Variants in NT5DC1 observed in about 807,000 individuals in gnomAD.
The protein encoded by NT5DC1 is 5'-nucleotidase domain-containing protein 1.
NT5DC1 carries 42 observed loss-of-function variants against 59.4 expected under a neutral mutation model. The observed-to-expected ratio is 0.71, with a 90% CI of 0.55 to 0.92. The LOEUF (loss-of-function observed/expected upper bound fraction) is 0.92. NT5DC1 is among the 40% of genes least tolerant of loss of function. The pLI, the probability that NT5DC1 is intolerant of heterozygous loss-of-function variation, is 0.00. For synonymous variants in NT5DC1, 172 were observed against 188.1 expected, an observed-to-expected ratio of 0.91 and a Z score of 0.70; for missense variants, 501 against 537.1, an observed-to-expected ratio of 0.93 and a Z score of 0.66.
chr6:116,116,428 A>G (rs9488839), intron 5 of NT5DC1, among the ~76,000 whole-genome samples: 41,223 of 152,044 alleles, frequency 0.27, 6,055 homozygotes, highest in African/African-American at 0.35. Flanking sequence ...CGGATCACGA[A>G]GTCAGGAGTT....
chr6:116,137,699 A>G (rs1000623570), intron 6 of NT5DC1: 1 of 158,570 alleles, frequency 6.3e-6, no homozygotes, highest in Non-Finnish European at 1.4e-5. Flanking sequence ...TACTGAACCA[A>G]GATATCTTTT....
At chr6:116,125,744 G>A (rs1353844753) in intron 6 of NT5DC1, 20 of 328,956 alleles carry the variant, frequency 6.1e-5, no homozygotes, top group Admixed American at 4.0e-4. Context: ...TTTACCTAAA[G>A]GAAAAGAAAC....
chr6:116,226,350 T>C (rs916890449), intron 8 of NT5DC1, among the ~76,000 whole-genome samples: 2 of 152,122 alleles, frequency 1.3e-5, no homozygotes, highest in African/African-American at 4.8e-5. Context: ...TCCATAAGAT[T>C]TTTATTAAAA....
intron 6 of NT5DC1, among the ~76,000 whole-genome samples, chr6:116,159,262 G>A (rs1481594104): frequency 2.6e-5 from 4 of 151,950 alleles, no homozygotes; most frequent in South Asian, 2.1e-4. Flanking sequence ...TGATTTCACC[G>A]TATGAGGTTT....
chr6:116,226,805 AG>A (rs1781920147), intron 8 of NT5DC1, among the ~76,000 whole-genome samples: 1 of 152,064 alleles, frequency 6.6e-6, no homozygotes, highest in Non-Finnish European at 1.5e-5. Flanking sequence ...ATAAACACTT[AG>A]TTTTTTAATT....
chr6:116,164,583 A>G (rs1780420307), intron 6 of NT5DC1, among the ~76,000 whole-genome samples: 1 of 152,182 alleles, frequency 6.6e-6, no homozygotes, highest in Admixed American at 6.5e-5. Flanking sequence ...CAAGGTTAAT[A>G]TGCATATGTG....
chr6:116,128,712 C>T (rs1779385999), intron 6 of NT5DC1, among the ~76,000 whole-genome samples: 1 of 152,106 alleles, frequency 6.6e-6, no homozygotes, highest in South Asian at 2.1e-4. Context: ...TTCCCCACTC[C>T]TGCTGTCCTG....
At position 116,117,879 on chromosome 6, in the gene NT5DC1, A is replaced by T; in HGVS notation, c.463A>T (p.Thr155Ser). The change falls in exon 6 of 12, where the codon ACA (threonine) becomes TCA (serine). Residue 155 changes from threonine to serine, a missense_variant. Coordinates refer to ENST00000319550, the MANE Select transcript of NT5DC1 (RefSeq NM_152729.3). ...YLTKLNNGQKTFDFWKDIVAA... is the reference protein window; with the variant it reads ...YLTKLNNGQKSFDFWKDIVAA... ...TTTTCAGCTGAACAATGGTCAAAAA[A>T]CATTTGATTTTTGGAAGGATATAGT... The T allele has an allele frequency of 6.4e-7, 1 of 1,567,586 alleles. No individual in the cohort carries two copies. The highest frequency in any genetic ancestry group is 8.8e-7 in the Non-Finnish European group (1 of 1,140,442).
intron 8 of NT5DC1, among the ~76,000 whole-genome samples, chr6:116,225,535 C>T (rs1781891138): frequency 1.3e-5 from 2 of 152,120 alleles, no homozygotes; most frequent in Admixed American, 1.3e-4. Context: ...CCAGCTAGTC[C>T]AAATGCTACA....
intron 6 of NT5DC1, among the ~76,000 whole-genome samples, chr6:116,195,823 G>A (rs1781213237): frequency 1.3e-5 from 2 of 151,978 alleles, no homozygotes; most frequent in Admixed American, 1.3e-4. Context: ...TGTGGGTGGG[G>A]ACTGAAGACC....
At chr6:116,220,958 T>G (rs1220015723) in intron 6 of NT5DC1, 96 bp from the exon 7 acceptor site, 2 of 646,060 alleles carry the variant, frequency 3.1e-6, no homozygotes, top group Non-Finnish European at 5.4e-6. Context: ...CCTTTTAGTT[T>G]TATCTATAGA....
intron 6 of NT5DC1, among the ~76,000 whole-genome samples, chr6:116,175,826 A>T (rs1470954632): frequency 2.0e-5 from 3 of 152,012 alleles, no homozygotes; most frequent in Non-Finnish European, 4.4e-5. Flanking sequence ...TATCCTTTTC[A>T]CTAGATCCTT....
At chr6:116,121,387 C>T (rs1037513158) in intron 6 of NT5DC1, 10 of 1,613,818 alleles carry the variant, frequency 6.2e-6, no homozygotes, top group Non-Finnish European at 7.6e-6. Flanking sequence ...CAATTGGTCC[C>T]ATTTCTCCCG....
intron 6 of NT5DC1, among the ~76,000 whole-genome samples, chr6:116,140,290 C>T (rs1369309234): frequency 2.0e-5 from 3 of 152,132 alleles, no homozygotes; most frequent in Non-Finnish European, 4.4e-5. Flanking sequence ...GCCGTGGTAG[C>T]AGTTACACAT....
chr6:116,239,167 A>T, intron 11 of NT5DC1, 44 bp downstream of exon 11: 1 of 1,328,328 alleles, frequency 7.5e-7, no homozygotes, highest in Non-Finnish European at 1.1e-6. Flanking sequence ...TTACTAGACA[A>T]TAATGACCAG....
chr6:116,185,702 A>G lies in NT5DC1; in HGVS notation c.530-35352A>G, dbSNP rs191841243. 2.6e-5 allele frequency among the ~76,000 whole-genome samples: 4 copies of G among 152,070 alleles called. No homozygotes were observed. The East Asian group carries it at 7.7e-4, about 29-fold the overall frequency. On this transcript the variant is annotated intron_variant, in intron 6 of 11. Coordinates refer to ENST00000319550, the MANE Select transcript of NT5DC1 (RefSeq NM_152729.3). ...ATAGCTACGCCTGCTTGCTTTTGGT[A>G]TACATTTGCATGGAATATTTTTTTC...
At chr6:116,211,326 G>C (rs563277980) in intron 6 of NT5DC1, among the ~76,000 whole-genome samples, 1 of 152,130 alleles carries the variant, frequency 6.6e-6, no homozygotes, top group Admixed American at 6.5e-5. Context: ...AGAATCAGGA[G>C]ATGATAATAC....
chr6:116,103,323 A>G (rs1778701188), intron 1 of NT5DC1, among the ~76,000 whole-genome samples: 1 of 152,134 alleles, frequency 6.6e-6, no homozygotes, highest in Non-Finnish European at 1.5e-5. Context: ...TATTATCACC[A>G]CTGTTTAATC....
intron 5 of NT5DC1, among the ~76,000 whole-genome samples, chr6:116,116,643 AAATAAT>A (rs976161593): frequency 1.3e-5 from 2 of 151,994 alleles, no homozygotes; most frequent in Non-Finnish European, 2.9e-5. Flanking sequence ...CTGCGTCTCA[AAATAAT>A]AATAATAATT....
Sources: gnomAD v4.1 joint callset for allele counts (sites outside exome capture counted in the v4.1 genomes callset) on GRCh38, gnomAD v4.1.1 for gene constraint, MANE v1.5 for transcripts, NCBI Gene and HGNC (gene_info 2026-07-23, HGNC 2026-07-21) for gene names.